Variants in SMIM14 observed in about 807,000 individuals in gnomAD.
The protein encoded by SMIM14 is small integral membrane protein 14.
Under a neutral mutation model 12.6 loss-of-function variants are expected in SMIM14, and 5 were observed. The observed-to-expected ratio is 0.40, with a 90% CI of 0.21 to 0.83. SMIM14 has a LOEUF of 0.83. Ranked by LOEUF, SMIM14 falls within the 40% of genes least tolerant of loss-of-function variation. SMIM14 has a pLI of 0.37. For synonymous variants in SMIM14, 30 were observed against 40.1 expected, an observed-to-expected ratio of 0.75 and a Z score of 0.95; for missense variants, 86 against 119.1, an observed-to-expected ratio of 0.72 and a Z score of 1.29.
chr4:39,577,680 G>A (rs565404501), intron 2 of SMIM14, among the ~76,000 whole-genome samples: 1 of 152,016 alleles, frequency 6.6e-6, no homozygotes, highest in Non-Finnish European at 1.5e-5. Flanking sequence ...CTCCCACTTC[G>A]GCCTCCTAAA....
Position 39,549,292 on chromosome 4 carries a change from CTTT to C in SMIM14, c.*2831_*2833del. On this transcript the variant is annotated 3_prime_UTR_variant, in exon 5 of 5. Transcript: ENST00000295958. ...TTCATCCAATAAAGCCTTCTAAAGC[CTTT>C]TTTTTTTGAGACAGGGTCTCACTCT... 6.8e-6 allele frequency: 1 copy of C among 147,664 alleles called. No individual in the cohort carries two copies. The highest frequency in any genetic ancestry group is 1.5e-5 in the Non-Finnish European group (1 of 66,532). 9.1% of individuals were successfully genotyped at this position (147,664 alleles called of 1,614,324 possible). A position where few individuals can be genotyped will look rare whatever the true frequency, so the allele number is the denominator to read the frequency against.
chr4:39,553,782 C>T (rs1172396978), intron 4 of SMIM14, among the ~76,000 whole-genome samples: 1 of 151,664 alleles, frequency 6.6e-6, no homozygotes, highest in East Asian at 2.0e-4. Flanking sequence ...TTAATAGAGA[C>T]GGAGTTTGGT....
At chr4:39,568,094 A>G (rs1712673470) in intron 3 of SMIM14, among the ~76,000 whole-genome samples, 1 of 152,080 alleles carries the variant, frequency 6.6e-6, no homozygotes, top group African/African-American at 2.4e-5. Context: ...CCTGGCCAAC[A>G]TGGCGAAACC....
At chr4:39,565,893 A>G (rs1365206863) in intron 3 of SMIM14, among the ~76,000 whole-genome samples, 1 of 151,830 alleles carries the variant, frequency 6.6e-6, no homozygotes, top group African/African-American at 2.4e-5. Flanking sequence ...CATGGTTTTA[A>G]AAAGGGGAGT....
intron 3 of SMIM14, among the ~76,000 whole-genome samples, chr4:39,559,937 C>A (rs1470316165): frequency 3.4e-5 from 5 of 147,876 alleles, no homozygotes; most frequent in African/African-American, 1.3e-4. Context: ...GGCAACATGA[C>A]AAAAACCCGT....
chr4:39,556,337 T>C (rs1712012751), intron 4 of SMIM14, 91 bp downstream of exon 4: 22 of 1,174,068 alleles, frequency 1.9e-5, no homozygotes, highest in Non-Finnish European at 2.5e-5. Flanking sequence ...ATTTAACTAA[T>C]TTAGGTGTTT....
At chr4:39,590,022 C>CAAAAAAAAAAAAAAAAAAAAAAAA (rs34159677) in intron 2 of SMIM14, among the ~76,000 whole-genome samples, 1 of 71,352 alleles carries the variant, frequency 1.4e-5, no homozygotes, top group Admixed American at 1.9e-4. Flanking sequence ...GACTCTGTTT[C>CAAAAAAAAAAAAAAAAAAAAAAAA]AAAAAAAAAA....
intron 1 of SMIM14, among the ~76,000 whole-genome samples, chr4:39,613,319 G>A (rs930250470): frequency 1.3e-5 from 2 of 152,148 alleles, no homozygotes; most frequent in Non-Finnish European, 2.9e-5. Flanking sequence ...TTAGCCTCCA[G>A]TAAAATGAGA....
chr4:39,553,595 GTTT>G (rs370247858), intron 4 of SMIM14, among the ~76,000 whole-genome samples: 1 of 140,794 alleles, frequency 7.1e-6, no homozygotes, highest in African/African-American at 2.6e-5. Flanking sequence ...AATAATGCCG[GTTT>G]TTTTTTTTTT....
At chr4:39,637,475 C>A (rs1301145752) in intron 1 of SMIM14, among the ~76,000 whole-genome samples, 1 of 151,882 alleles carries the variant, frequency 6.6e-6, no homozygotes, top group East Asian at 1.9e-4. Context: ...ACTCATAACT[C>A]TTCCTGGGTT....
intron 1 of SMIM14, among the ~76,000 whole-genome samples, chr4:39,623,222 A>T (rs974974850): frequency 1.3e-5 from 2 of 152,234 alleles, no homozygotes; most frequent in Admixed American, 6.5e-5. Context: ...GTATGGATGA[A>T]ACAAAACCAC....
chr4:39,546,367 A>G lies in SMIM14; in HGVS notation c.*5759T>C, dbSNP rs577941608. On this transcript the variant is annotated 3_prime_UTR_variant, in exon 5 of 5. Transcript: ENST00000295958. ...GAAGTGTTTATTGAACGAACATAATACATTTGTCTGAGAAGAGATACGCAC... is the reference window on the plus strand; with the variant it reads ...GAAGTGTTTATTGAACGAACATAATGCATTTGTCTGAGAAGAGATACGCAC... 1 of 152,376 alleles carries G rather than the reference A, an allele frequency of 6.6e-6. No individual in the cohort carries two copies. Among genetic ancestry groups the G allele is most frequent in the East Asian group, 1.9e-4 (1 of 5,196 alleles). 9.4% of individuals were successfully genotyped at this position (152,376 alleles called of 1,614,324 possible).
intron 2 of SMIM14, among the ~76,000 whole-genome samples, chr4:39,598,390 C>A (rs7673664): frequency 0.3 from 46,316 of 152,066 alleles, 8,470 homozygotes; most frequent in South Asian, 0.59. Flanking sequence ...CCAGAGGCAA[C>A]CATTTTCAAC....
intron 1 of SMIM14, among the ~76,000 whole-genome samples, chr4:39,615,839 G>C (rs1039693247): frequency 2.0e-5 from 3 of 152,122 alleles, no homozygotes; most frequent in Admixed American, 2.0e-4. Context: ...ATAATAAAAA[G>C]TGTTTTTACA....
chr4:39,600,156 G>A lies in SMIM14; in HGVS notation c.75+4915C>T, dbSNP rs569156225. Among the ~76,000 whole-genome samples the A allele has an allele frequency of 1.0e-3, 152 of 152,192 alleles. 1 individual carries two copies. Among genetic ancestry groups the A allele is most frequent in the African/African-American group, 3.6e-3 (151 of 41,546 alleles). On this transcript the variant is annotated intron_variant, in intron 2 of 4. Coordinates refer to ENST00000295958, the MANE Select transcript of SMIM14 (RefSeq NM_174921.3). ...CTTAGCCCAGCTGGCATTGGGGCAT[G>A]ACTTTGGCTCTTGTTTTGACAACTT... is the stretch of plus-strand genomic sequence containing the variant.
Position 39,550,893 on chromosome 4 carries a change from A to G in SMIM14, c.*1233T>C, listed in dbSNP as rs1451426046. 6.6e-6 allele frequency: 1 copy of G among 151,962 alleles called. No individual in the cohort carries two copies. Among genetic ancestry groups the G allele is most frequent in the Non-Finnish European group, 1.5e-5 (1 of 68,024 alleles). The allele number at this position is 151,962 out of a possible 1,614,324, so 9.4% of individuals were successfully genotyped here. ...AATATCAGTAACCTAACAGGCCCTA[A>G]TACAGCTTTAAGATTTTCTTCTTTT... On this transcript the variant is annotated 3_prime_UTR_variant, in exon 5 of 5. Coordinates refer to ENST00000295958, the MANE Select transcript of SMIM14 (RefSeq NM_174921.3).
At chr4:39,619,797 T>C (rs1398899863) in intron 1 of SMIM14, among the ~76,000 whole-genome samples, 1 of 140,432 alleles carries the variant, frequency 7.1e-6, no homozygotes, top group East Asian at 2.0e-4. Context: ...TATTTATATA[T>C]ATCTCAATTT....
Position 39,590,958 on chromosome 4 carries a change from TATA to T in SMIM14, c.75+14110_75+14112del, listed in dbSNP as rs575783476. On this transcript the variant is annotated intron_variant, in intron 2 of 4. Transcript: ENST00000295958. The stretch of plus-strand genomic sequence containing the variant: ...CTTTTTAAGTCCTTTTAGGCAGTAT[TATA>T]AAGCACTAAATCTCTAATTAAAGTA... 3.1e-3 allele frequency among the ~76,000 whole-genome samples: 469 copies of T among 152,274 alleles called. 3 individuals are homozygous for T. Among genetic ancestry groups the T allele is most frequent in the African/African-American group, 0.011 (442 of 41,556 alleles).
intron 4 of SMIM14, among the ~76,000 whole-genome samples, chr4:39,552,683 G>A (rs912890992): frequency 6.6e-6 from 1 of 152,142 alleles, no homozygotes; most frequent in Non-Finnish European, 1.5e-5. Context: ...GTTAGTATGA[G>A]GAAAGAAACT....
Sources: gnomAD v4.1 joint callset for allele counts (sites outside exome capture counted in the v4.1 genomes callset) on GRCh38, gnomAD v4.1.1 for gene constraint, MANE v1.5 for transcripts, NCBI Gene and HGNC (gene_info 2026-07-23, HGNC 2026-07-21) for gene names.